Variants in ADGRL3 observed in about 807,000 individuals in gnomAD.
ADGRL3 encodes adhesion G protein-coupled receptor L3.
A neutral mutation model predicts 153.5 loss-of-function variants in ADGRL3; 62 were observed. The ratio of observed to expected loss-of-function variants is 0.40; its 90% CI spans 0.33 to 0.50. The LOEUF (loss-of-function observed/expected upper bound fraction) is 0.50. ADGRL3 is among the 20% of genes least tolerant of loss of function. The pLI, the probability that ADGRL3 is intolerant of heterozygous loss-of-function variation, is 0.47. For synonymous variants in ADGRL3, 710 were observed against 672.5 expected, an observed-to-expected ratio of 1.06 and a Z score of -0.86; for missense variants, 1,641 against 1,859.4, an observed-to-expected ratio of 0.88 and a Z score of 2.16.
chr4:61,214,352 G>A (rs965305313), intron 1 of ADGRL3, among the ~76,000 whole-genome samples: 81 of 152,158 alleles, frequency 5.3e-4, no homozygotes, highest in African/African-American at 2.0e-3. Flanking sequence ...GCTCTTGAAC[G>A]GACCTCGTAT....
intron 17 of ADGRL3, among the ~76,000 whole-genome samples, chr4:61,974,929 T>G (rs1282581488): frequency 6.6e-6 from 1 of 152,190 alleles, no homozygotes; most frequent in African/African-American, 2.4e-5. Context: ...GTGGGCAGCA[T>G]GATACAACTT....
intron 20 of ADGRL3, among the ~76,000 whole-genome samples, chr4:61,997,281 G>T (rs932489978): frequency 1.3e-5 from 2 of 149,712 alleles, no homozygotes; most frequent in Admixed American, 1.3e-4. Flanking sequence ...AGAGCAAATA[G>T]TGGAAAGACC....
chr4:62,012,711 G>T (rs2099192216), intron 21 of ADGRL3, among the ~76,000 whole-genome samples: 1 of 152,086 alleles, frequency 6.6e-6, no homozygotes, highest in Non-Finnish European at 1.5e-5. Flanking sequence ...TCCTGATATT[G>T]ACTGGATAGC....
At chr4:61,451,803 G>A (rs1031088571) in intron 2 of ADGRL3, among the ~76,000 whole-genome samples, 2 of 152,130 alleles carry the variant, frequency 1.3e-5, no homozygotes, top group Non-Finnish European at 2.9e-5. Flanking sequence ...TACTGCTTCA[G>A]CGGTATGGCA....
intron 1 of ADGRL3, among the ~76,000 whole-genome samples, chr4:61,346,226 C>T (rs1039387255): frequency 4.0e-5 from 6 of 151,558 alleles, no homozygotes; most frequent in South Asian, 4.2e-4. Flanking sequence ...CTGGGTAACA[C>T]GGTAACATAT....
chr4:61,263,480 GA>G (rs2092671835), intron 1 of ADGRL3, among the ~76,000 whole-genome samples: 1 of 147,750 alleles, frequency 6.8e-6, no homozygotes, highest in African/African-American at 2.5e-5. Flanking sequence ...AAAAGACCCT[GA>G]AAAAGTCTCA....
chr4:61,993,249 G>GT (rs1288967595), intron 19 of ADGRL3, among the ~76,000 whole-genome samples: 2 of 99,962 alleles, frequency 2.0e-5, no homozygotes, highest in Non-Finnish European at 4.4e-5. Flanking sequence ...GTCCTTCATT[G>GT]TTTTTTTGTT....
chr4:61,512,282 A>G (rs2098467452), intron 3 of ADGRL3, among the ~76,000 whole-genome samples: 1 of 152,158 alleles, frequency 6.6e-6, no homozygotes, highest in Admixed American at 6.5e-5. Context: ...ACTCATAACA[A>G]TCCAATGAGT....
chr4:61,856,191 G>A lies in ADGRL3; in HGVS notation c.1481-36465G>A, dbSNP rs572332206. Among the ~76,000 whole-genome samples the A allele has an allele frequency of 3.3e-5, 5 of 152,230 alleles. No individual in the cohort carries two copies. The South Asian group carries it at 1.0e-3, about 32-fold the overall frequency. On this transcript the variant is annotated intron_variant, in intron 9 of 26. Transcript: ENST00000683033. ...GAGATCAGCCTGGGCAACATAGCCA[G>A]ACTCCACCTCTACAAAAATAAATAA...
At chr4:61,485,174 C>G (rs1414036879) in intron 2 of ADGRL3, among the ~76,000 whole-genome samples, 1 of 152,134 alleles carries the variant, frequency 6.6e-6, no homozygotes, top group Non-Finnish European at 1.5e-5. Flanking sequence ...GTGCACCGTA[C>G]TGAGATGAGA....
chr4:61,369,872 G>C (rs1338943124), intron 1 of ADGRL3, among the ~76,000 whole-genome samples: 1 of 151,954 alleles, frequency 6.6e-6, no homozygotes, highest in African/African-American at 2.4e-5. Context: ...ACTCTTTTTG[G>C]TTGGTAAGCT....
rs2098790901 is a variant in ADGRL3 at position 61,560,631 on chromosome 4, G to C, written c.260-26596G>C. Among the ~76,000 whole-genome samples the C allele has an allele frequency of 2.1e-5, 3 of 144,472 alleles. No individual in the cohort carries two copies. The South Asian group carries it at 6.8e-4, about 33-fold the overall frequency. 94.8% of individuals were successfully genotyped at this position (144,472 alleles called of 152,430 possible). A position where few individuals can be genotyped will look rare whatever the true frequency, so the allele number is the denominator to read the frequency against. On this transcript the variant is annotated intron_variant, in intron 4 of 26. Coordinates refer to ENST00000683033, the MANE Select transcript of ADGRL3 (RefSeq NM_001387552.1). ...ATCTGCCCAACATCCAAATCCCATT[G>C]AATTTGTGGGGTTTTTATTTATTTA...
At chr4:61,733,996 G>C (rs568917137) in intron 8 of ADGRL3, among the ~76,000 whole-genome samples, 78 of 152,190 alleles carry the variant, frequency 5.1e-4, no homozygotes, top group Non-Finnish European at 9.4e-4. Context: ...TCATCTCACA[G>C]AGTGCATCAT....
At chr4:61,922,911 G>A (rs1327550072) in intron 13 of ADGRL3, among the ~76,000 whole-genome samples, 1 of 152,166 alleles carries the variant, frequency 6.6e-6, no homozygotes, top group Non-Finnish European at 1.5e-5. Context: ...TTAAAACACA[G>A]TCATATGAGT....
At position 61,971,192 on chromosome 4, in the gene ADGRL3, A is replaced by G. The variant is rs1205544427; in HGVS notation, c.2806-8371A>G. Among the ~76,000 whole-genome samples, 4 of 151,682 alleles carry G rather than the reference A, an allele frequency of 2.6e-5. No homozygotes were observed. In the South Asian group the frequency reaches 6.3e-4, roughly 24 times the overall value. ...ATTATTATACTTTAAGTTTTAGGGT[A>G]CATGTGCACAATGTGCAGGTTAGTT... On this transcript the variant is annotated intron_variant, in intron 17 of 26. Coordinates refer to ENST00000683033, the MANE Select transcript of ADGRL3 (RefSeq NM_001387552.1).
At chr4:61,867,642 A>G (rs1472861113) in intron 9 of ADGRL3, among the ~76,000 whole-genome samples, 1 of 150,680 alleles carries the variant, frequency 6.6e-6, no homozygotes, top group African/African-American at 2.4e-5. Context: ...GATTTATTTA[A>G]TATGTTTTAT....
chr4:61,967,362 C>A (rs1239617756), intron 17 of ADGRL3, among the ~76,000 whole-genome samples: 1 of 151,902 alleles, frequency 6.6e-6, no homozygotes, highest in East Asian at 1.9e-4. Context: ...CCTTTCATTT[C>A]TTTTCTTTTT....
intron 9 of ADGRL3, among the ~76,000 whole-genome samples, chr4:61,881,168 CAAAT>C (rs2098506121): frequency 6.6e-6 from 1 of 151,992 alleles, no homozygotes; most frequent in Non-Finnish European, 1.5e-5. Context: ...AACAACAAAA[CAAAT>C]AATCAAAATA....
At chr4:61,444,111 A>G (rs903116865) in intron 2 of ADGRL3, among the ~76,000 whole-genome samples, 1 of 152,220 alleles carries the variant, frequency 6.6e-6, no homozygotes, top group African/African-American at 2.4e-5. Flanking sequence ...AATCCATTCT[A>G]TGCATTAAAT....
Sources: gnomAD v4.1 joint callset for allele counts (sites outside exome capture counted in the v4.1 genomes callset) on GRCh38, gnomAD v4.1.1 for gene constraint, MANE v1.5 for transcripts, NCBI Gene and HGNC (gene_info 2026-07-23, HGNC 2026-07-21) for gene names.